MAST4: variants seen among roughly 807,000 people sequenced by gnomAD.
The protein encoded by MAST4 is microtubule associated serine/threonine kinase family member 4, also known as microtubule-associated serine/threonine-protein kinase 4.
MAST4 carries 89 observed loss-of-function variants against 162.7 expected under a neutral mutation model. That is an observed-to-expected ratio of 0.55 (90% CI 0.46 to 0.65). MAST4 has a LOEUF of 0.65. MAST4 is among the 30% of genes least tolerant of loss of function. MAST4 has a pLI of 0.00. For synonymous variants in MAST4, 1,479 were observed against 1,361.1 expected, an observed-to-expected ratio of 1.09 and a Z score of -1.91; for missense variants, 3,153 against 3,374.0, an observed-to-expected ratio of 0.93 and a Z score of 1.62.
chr5:66,977,308 C>G (rs1298434149), intron 4 of MAST4, among the ~76,000 whole-genome samples: 7 of 150,566 alleles, frequency 4.6e-5, no homozygotes, highest in African/African-American at 1.8e-4. Context: ...CCATGTTTGT[C>G]AGGCAGGTCT....
At chr5:66,900,184 C>T (rs1446662643) in intron 4 of MAST4, among the ~76,000 whole-genome samples, 7 of 151,964 alleles carry the variant, frequency 4.6e-5, no homozygotes, top group Admixed American at 2.6e-4. Flanking sequence ...GCATTGCAAA[C>T]CTAAATGTAT....
chr5:67,074,074 C>G (rs925361106), intron 5 of MAST4, among the ~76,000 whole-genome samples: 12 of 150,692 alleles, frequency 8.0e-5, no homozygotes, highest in African/African-American at 2.4e-5. Context: ...GGCAGAAGAT[C>G]AATATTGTTA....
intron 2 of MAST4, among the ~76,000 whole-genome samples, chr5:66,784,293 A>T (rs191754169): frequency 6.6e-6 from 1 of 152,344 alleles, no homozygotes; most frequent in Non-Finnish European, 1.5e-5. Context: ...TATTAAAAGT[A>T]ATATTATAAA....
chr5:66,817,465 AAAGAGGGCT>A (rs1426419983), intron 3 of MAST4, among the ~76,000 whole-genome samples: 4 of 152,224 alleles, frequency 2.6e-5, no homozygotes, highest in African/African-American at 9.6e-5. Context: ...ATAAGGGGAC[AAAGAGGGCT>A]AAGCCTATGT....
chr5:66,917,514 T>G (rs1231743039), intron 4 of MAST4: 1 of 152,142 alleles, frequency 6.6e-6, no homozygotes, highest in Non-Finnish European at 1.5e-5. Context: ...GATATTCCCT[T>G]AAATTTTCTC....
At chr5:66,761,535 G>T (rs966800932) in intron 2 of MAST4, among the ~76,000 whole-genome samples, 1 of 151,818 alleles carries the variant, frequency 6.6e-6, no homozygotes, top group African/African-American at 2.4e-5. Context: ...GTTTAAAAAT[G>T]GCCTGGAAAG....
At chr5:66,870,830 T>C (rs1432873678) in intron 3 of MAST4, 1 of 471,548 alleles carries the variant, frequency 2.1e-6, no homozygotes, top group Non-Finnish European at 4.4e-6. Flanking sequence ...CGCCAGAGAC[T>C]AGTGGACCCA....
At chr5:66,959,918 T>A (rs1745804200) in intron 4 of MAST4, among the ~76,000 whole-genome samples, 1 of 152,176 alleles carries the variant, frequency 6.6e-6, no homozygotes, top group Admixed American at 6.5e-5. Flanking sequence ...TGTAGCTACA[T>A]GAACATGTCC....
intron 3 of MAST4, among the ~76,000 whole-genome samples, chr5:66,835,231 A>G (rs1184421656): frequency 6.6e-6 from 1 of 152,182 alleles, no homozygotes; most frequent in Non-Finnish European, 1.5e-5. Flanking sequence ...CCCACATAAT[A>G]AATTAGCTTA....
chr5:66,633,207 A>T (rs17269226), intron 1 of MAST4, among the ~76,000 whole-genome samples: 3,285 of 152,250 alleles, frequency 0.022, 71 homozygotes, highest in African/African-American at 0.055. Context: ...GACCTTCAAG[A>T]TAATTTTTGA....
intron 4 of MAST4, among the ~76,000 whole-genome samples, chr5:66,917,676 A>G (rs934754600): frequency 5.9e-5 from 9 of 151,546 alleles, no homozygotes; most frequent in African/African-American, 2.2e-4. Context: ...TGGGATTGAA[A>G]TGTTGTCCTT....
At position 67,166,373 on chromosome 5, in the gene MAST4, C is replaced by T; in HGVS notation, c.7194C>T (p.Asn2398=). Residue 2398 remains asparagine, a synonymous_variant, in exon 29 of 29, where the codon AAC becomes AAT. Transcript: ENST00000403625. ...GCCTTTCCTTTGTGCATAGCGAGAA[C>T]CGGTTGAAAGGCGCGGAGCGGCCAG... ...EAGLSFVHSE[N]RLKGAERPAA... 6.2e-7 allele frequency: 1 copy of T among 1,611,494 alleles called. No homozygotes were observed. Among genetic ancestry groups the T allele is most frequent in the Non-Finnish European group, 8.5e-7 (1 of 1,178,722 alleles).
intron 2 of MAST4, among the ~76,000 whole-genome samples, chr5:66,761,072 C>T (rs1030078979): frequency 5.9e-5 from 9 of 152,140 alleles, no homozygotes; most frequent in African/African-American, 1.9e-4. Flanking sequence ...TCTTGCTAAC[C>T]TGTGGTATTG....
At chr5:66,742,200 C>T (rs1366417885) in intron 1 of MAST4, among the ~76,000 whole-genome samples, 2 of 152,196 alleles carry the variant, frequency 1.3e-5, no homozygotes, top group Non-Finnish European at 2.9e-5. Flanking sequence ...GGAGCTGGGT[C>T]AGATGCTGAC....
intron 1 of MAST4, among the ~76,000 whole-genome samples, chr5:66,630,856 T>C (rs143631555): frequency 1.3e-5 from 2 of 152,306 alleles, no homozygotes; most frequent in East Asian, 3.9e-4. Context: ...CTGTTTAACA[T>C]TGGCTCAGGA....
At chr5:67,084,005 C>T (rs1762956874) in intron 5 of MAST4, among the ~76,000 whole-genome samples, 1 of 152,166 alleles carries the variant, frequency 6.6e-6, no homozygotes, top group African/African-American at 2.4e-5. Context: ...CTAAAACATT[C>T]TCAAGAACCC....
At chr5:67,031,911 A>C (rs1755380950) in intron 4 of MAST4, among the ~76,000 whole-genome samples, 1 of 152,134 alleles carries the variant, frequency 6.6e-6, no homozygotes, top group Non-Finnish European at 1.5e-5. Flanking sequence ...GGAGAACTAG[A>C]TCACTGGTGT....
At chr5:66,694,872 C>T (rs771652294) in intron 1 of MAST4, among the ~76,000 whole-genome samples, 74 of 151,934 alleles carry the variant, frequency 4.9e-4, no homozygotes, top group Non-Finnish European at 8.2e-4. Flanking sequence ...TGTTTAATGC[C>T]TTTTTTTTCT....
intron 5 of MAST4, among the ~76,000 whole-genome samples, chr5:67,085,495 G>A (rs1433054880): frequency 6.6e-6 from 1 of 152,190 alleles, no homozygotes; most frequent in East Asian, 1.9e-4. Context: ...GTCAAGCAGT[G>A]AGTAATGGTG....
Sources: allele counts gnomAD v4.1 joint callset (sites outside exome capture counted in the v4.1 genomes callset), GRCh38; gene constraint gnomAD v4.1.1; transcripts MANE v1.5; gene names NCBI Gene and HGNC (gene_info 2026-07-23, HGNC 2026-07-21).